The following KLC1 variants were observed in gnomAD, a reference collection of about 807,000 sequenced individuals.
KLC1 encodes kinesin light chain 1.
In KLC1, 30 loss-of-function variants were observed where a neutral mutation model predicts 84.2. The ratio of observed to expected loss-of-function variants is 0.36; its 90% CI spans 0.27 to 0.48. The LOEUF is 0.48. KLC1 is among the 20% of genes least tolerant of loss of function. The pLI, the probability that KLC1 is intolerant of heterozygous loss-of-function variation, is 0.99. For synonymous variants in KLC1, 289 were observed against 293.3 expected, an observed-to-expected ratio of 0.99 and a Z score of 0.15; for missense variants, 499 against 805.4, an observed-to-expected ratio of 0.62 and a Z score of 4.60.
chr14:103,684,769 G>T, intron 13 of KLC1: 1 of 556,500 alleles, frequency 1.8e-6, no homozygotes. Flanking sequence ...TGAGTGAAAT[G>T]AATCTTCTGT....
chr14:103,636,044 A>C (rs1301422077), intron 1 of KLC1, among the ~76,000 whole-genome samples: 1 of 152,150 alleles, frequency 6.6e-6, no homozygotes, highest in Non-Finnish European at 1.5e-5. Flanking sequence ...ACCATTTAAA[A>C]GTTCACAATT....
At chr14:103,649,780 T>C (rs1030762218) in intron 1 of KLC1, among the ~76,000 whole-genome samples, 52 of 151,834 alleles carry the variant, frequency 3.4e-4, no homozygotes, top group African/African-American at 1.1e-3. Context: ...ACTGCAAGCT[T>C]CGTCTCCCGG....
chr14:103,629,803 C>G (rs2076533684), intron 1 of KLC1, among the ~76,000 whole-genome samples: 1 of 152,118 alleles, frequency 6.6e-6, no homozygotes, highest in African/African-American at 2.4e-5. Flanking sequence ...CGGCCCTGCC[C>G]AGGGCCCCGC....
At chr14:103,696,515 G>T (rs779769420) in intron 15 of KLC1, 1 of 985,336 alleles carries the variant, frequency 1.0e-6, no homozygotes, top group African/African-American at 1.7e-5. Context: ...TAACTGTATG[G>T]AATTTTCTTG....
At chr14:103,632,771 C>G (rs910066769) in intron 1 of KLC1, among the ~76,000 whole-genome samples, 5 of 152,200 alleles carry the variant, frequency 3.3e-5, no homozygotes, top group Middle Eastern at 6.8e-3. Context: ...TAGGAGCTCA[C>G]AGGCTGGCAT....
At position 103,700,683 on chromosome 14, in the gene KLC1, G is replaced by GA; in HGVS notation, c.1881dup (p.Arg628ThrfsTer62). On this transcript the variant is annotated frameshift_variant, in exon 16 of 17. Transcript: ENST00000334553. LOFTEE classifies it high-confidence loss of function. ...GTCTCTGGCCGAGCCTCTTTTTGTG[G>GA]AAAACGACAGCAGCAGCAGTGGCCT... is the stretch of plus-strand genomic sequence containing the variant. 1.2e-6 allele frequency: 2 copies of GA among 1,607,332 alleles called. No homozygotes were observed. The highest frequency in any genetic ancestry group is 1.7e-6 in the Non-Finnish European group (2 of 1,177,454).
At chr14:103,685,026 A>G (rs1159101389) in intron 13 of KLC1, 1 of 1,453,760 alleles carries the variant, frequency 6.9e-7, no homozygotes, top group Admixed American at 2.0e-5. Flanking sequence ...TGACTTGCTC[A>G]GCGTCCCATG....
chr14:103,699,058 T>C (rs752896646), intron 15 of KLC1: 16 of 1,564,172 alleles, frequency 1.0e-5, no homozygotes, highest in African/African-American at 1.4e-5. Context: ...TCAGGCTTGG[T>C]GGCCCCGCCC....
chr14:103,687,889 AC>A (rs986096133), intron 14 of KLC1: 1 of 152,172 alleles, frequency 6.6e-6, no homozygotes, highest in Non-Finnish European at 1.5e-5. Flanking sequence ...GTCCAGGGTC[AC>A]CTCTGGGCAG....
At chr14:103,671,724 TATCAGTTAATTTTGAGCCAC>T (rs2080402792) in intron 7 of KLC1, among the ~76,000 whole-genome samples, 1 of 152,168 alleles carries the variant, frequency 6.6e-6, no homozygotes, top group Non-Finnish European at 1.5e-5. Flanking sequence ...CAGTGATTCT[TATCAGTTAATTTTGAGCCAC>T]ATGGCAAGGA....
At chr14:103,636,328 TCTC>T (rs1442505647) in intron 1 of KLC1, among the ~76,000 whole-genome samples, 1 of 152,036 alleles carries the variant, frequency 6.6e-6, no homozygotes, top group Non-Finnish European at 1.5e-5. Context: ...TTCAAACAAT[TCTC>T]CTGCTTTAAT....
At position 103,683,063 on chromosome 14, in the gene KLC1, A is replaced by C. The variant is rs574456788; in HGVS notation, c.1650+3518A>C. 3 of 152,336 alleles carry C rather than the reference A, an allele frequency of 2.0e-5. No homozygotes were observed. The East Asian group carries it at 5.8e-4, about 29-fold the overall frequency. The allele number at this position is 152,336 out of a possible 1,614,324, so 9.4% of individuals were successfully genotyped here. On this transcript the variant is annotated intron_variant, in intron 13 of 16. Coordinates refer to ENST00000334553, the MANE Select transcript of KLC1 (RefSeq NM_001394837.1). ...ACCACATACACCAGATATTCGGCTCAGTTTTTCTCAATATTCATAAGTAAC... is the reference window on the plus strand; with the variant it reads ...ACCACATACACCAGATATTCGGCTCCGTTTTTCTCAATATTCATAAGTAAC...
intron 3 of KLC1, 41 bp downstream of exon 3, chr14:103,657,817 TG>T (rs1485975538): frequency 7.1e-7 from 1 of 1,417,672 alleles, no homozygotes; most frequent in South Asian, 1.2e-5. Flanking sequence ...ATGTTTAAAA[TG>T]GAGTCACTGG....
At chr14:103,678,095 A>T (rs555163743) in intron 12 of KLC1, among the ~76,000 whole-genome samples, 1 of 151,936 alleles carries the variant, frequency 6.6e-6, no homozygotes, top group South Asian at 2.1e-4. Flanking sequence ...GCTAGCATGG[A>T]AAAACCCCAT....
chr14:103,698,874 T>G (rs1595618726), intron 15 of KLC1: 5 of 1,605,910 alleles, frequency 3.1e-6, no homozygotes, highest in Non-Finnish European at 3.4e-6. Context: ...GGGGGGCAGG[T>G]GGGGGGCAGA....
At chr14:103,667,193 C>A (rs151199076) in intron 5 of KLC1, among the ~76,000 whole-genome samples, 7,827 of 152,240 alleles carry the variant, frequency 0.051, 299 homozygotes, top group Middle Eastern at 0.092. Context: ...CTCACTGCAA[C>A]CTCTGCCTCC....
intron 13 of KLC1, among the ~76,000 whole-genome samples, chr14:103,680,662 C>T (rs1180204895): frequency 6.6e-6 from 1 of 152,188 alleles, no homozygotes; most frequent in Non-Finnish European, 1.5e-5. Context: ...CCCACTCAAC[C>T]CCAGTTGGGC....
rs2078706170 is a variant in KLC1 at position 103,654,603 on chromosome 14, A to G, written c.39A>G (p.Glu13=). 1 of 1,614,044 alleles carries G rather than the reference A, an allele frequency of 6.2e-7. No individual in the cohort carries two copies. The highest frequency in any genetic ancestry group is 1.7e-5 in the Admixed American group (1 of 60,024). Residue 13 remains glutamate (E), a synonymous_variant, in exon 2 of 17, where the codon GAA becomes GAG. Transcript: ENST00000334553. ...TGTCCACAATGGTGTACATAAAGGA[A>G]GACAAGTTGGAGAAGCTTACACAGG... ...DNMSTMVYIK[E]DKLEKLTQDE...
At chr14:103,659,389 A>G (rs1236227641) in intron 3 of KLC1, among the ~76,000 whole-genome samples, 1 of 152,190 alleles carries the variant, frequency 6.6e-6, no homozygotes, top group African/African-American at 2.4e-5. Flanking sequence ...TTGATTGAAA[A>G]GTTGAAAAGT....
Sources: allele counts gnomAD v4.1 joint callset (sites outside exome capture counted in the v4.1 genomes callset), GRCh38; gene constraint gnomAD v4.1.1; transcripts MANE v1.5; gene names NCBI Gene and HGNC (gene_info 2026-07-23, HGNC 2026-07-21).